Variants in NLRP2 observed in about 807,000 individuals in gnomAD.
The protein encoded by NLRP2 is NACHT, LRR and PYD domains-containing protein 2.
Under a neutral mutation model 97.2 loss-of-function variants are expected in NLRP2, and 107 were observed. The ratio of observed to expected loss-of-function variants is 1.10; its 90% CI spans 0.94 to 1.29. The LOEUF is 1.29. Among genes scored for constraint, NLRP2 ranks in the 50% most tolerant of loss-of-function variants. The pLI is 0.00. For missense variants in NLRP2, 1,495 were observed against 1,330.3 expected (o/e 1.12, Z -1.93); for synonymous variants, 663 against 551.5 (o/e 1.20, Z -2.83).
intron 3 of NLRP2, among the ~76,000 whole-genome samples, chr19:54,977,215 A>T (rs1264973698): frequency 1.3e-5 from 2 of 151,990 alleles, no homozygotes; most frequent in East Asian, 3.9e-4. Context: ...TGAGGTTGGG[A>T]GTTCGAGACC....
At chr19:54,969,919 G>A (rs904732196) in intron 1 of NLRP2, 80 bp from the exon 2 acceptor site, 30 of 1,401,896 alleles carry the variant, frequency 2.1e-5, no homozygotes, top group Middle Eastern at 2.4e-4. Flanking sequence ...GTCCTTGTTC[G>A]TGGCACAGCA....
chr19:54,969,505 A>C (rs2070708151), intron 1 of NLRP2, among the ~76,000 whole-genome samples: 2 of 151,108 alleles, frequency 1.3e-5, no homozygotes, highest in Admixed American at 1.3e-4. Context: ...AAATACAAAA[A>C]GTAGCTGAGC....
Position 54,997,240 on chromosome 19 carries a change from C to T in NLRP2, c.2880-77C>T, listed in dbSNP as rs73612055. 2,725 of 1,457,920 alleles carry T rather than the reference C, an allele frequency of 1.9e-3. 33 individuals are homozygous for T. The African/African-American group carries it at 0.032, about 17-fold the overall frequency. 90.3% of individuals were successfully genotyped at this position (1,457,920 alleles called of 1,614,324 possible). On this transcript the variant is annotated intron_variant, in intron 11 of 12. Transcript: ENST00000448584. ...GTTGGTCATGCAGATCCCCAACACA[C>T]GAGGGTGGGCTTGGCTTGCCGGAGG...
chr19:54,991,734 T>C (rs1350659731), intron 10 of NLRP2, among the ~76,000 whole-genome samples: 1 of 150,422 alleles, frequency 6.6e-6, no homozygotes, highest in Non-Finnish European at 1.5e-5. Flanking sequence ...CTAGGCGTGG[T>C]GGTATGGTCC....
intron 9 of NLRP2, 131 bp downstream of exon 9, chr19:54,990,323 G>T: frequency 1.7e-6 from 2 of 1,160,812 alleles, no homozygotes; most frequent in Non-Finnish European, 2.6e-6. Context: ...TTAGATCCAG[G>T]CCGATGGCCT....
intron 4 of NLRP2, among the ~76,000 whole-genome samples, chr19:54,981,216 G>A (rs760691659): frequency 5.9e-4 from 90 of 152,148 alleles, no homozygotes; most frequent in Non-Finnish European, 1.1e-3. Flanking sequence ...GTTGCCCAGG[G>A]TGGAGTGCAG....
intron 12 of NLRP2, among the ~76,000 whole-genome samples, chr19:54,998,504 G>A (rs1329376946): frequency 1.3e-5 from 2 of 151,298 alleles, no homozygotes; most frequent in Non-Finnish European, 2.9e-5. Flanking sequence ...TAAGTCAAAA[G>A]ACATATGGAC....
chr19:54,982,847 G>C lies in NLRP2; in HGVS notation c.1149G>C (p.Glu383Asp), dbSNP rs1356028066. The C allele has an allele frequency of 1.2e-6, 2 of 1,613,252 alleles. No individual in the cohort carries two copies. Among genetic ancestry groups the C allele is most frequent in the Admixed American group, 1.7e-5 (1 of 59,992 alleles). ...GDEDQAMRAF[E>D]LMRSNAALFQ... ...AGGACCAAGCCATGCGTGCCTTTGAGCTAATGAGGAGCAACGCGGCCCTGT... is the reference window on the plus strand; with the variant it reads ...AGGACCAAGCCATGCGTGCCTTTGACCTAATGAGGAGCAACGCGGCCCTGT... Residue 383 changes from glutamate to aspartate, a missense_variant, in exon 6 of 13, where the codon GAG (glutamate) becomes GAC (aspartate). Transcript: ENST00000448584.
chr19:54,977,719 C>A, intron 3 of NLRP2, 33 bp from the exon 4 acceptor site: 2 of 1,610,032 alleles, frequency 1.2e-6, no homozygotes, highest in East Asian at 2.2e-5. Flanking sequence ...GCCAGCACAG[C>A]AACAGGCCTG....
rs2072884241 is a variant in NLRP2, at chr19:54,997,321, T to C, written c.2884T>C (p.Trp962Arg). Residue 962 changes from tryptophan to arginine, a missense_variant, in exon 12 of 13, where the codon TGG becomes CGG. Transcript: ENST00000448584. ...PLCNLRCLWLWGCSIPPFSCE... is the reference protein window; with the variant it reads ...PLCNLRCLWLRGCSIPPFSCE... ...TTGATTTCTGTGTTTCCCCAGGTTG[T>C]GGGGATGTTCCATCCCTCCGTTCAG... is the stretch of plus-strand genomic sequence containing the variant. 16 of 1,613,352 alleles carry C rather than the reference T, an allele frequency of 9.9e-6. No homozygotes were observed. The highest frequency in any genetic ancestry group is 1.3e-5 in the Non-Finnish European group (15 of 1,179,920).
chr19:54,992,544 G>T (rs1417770298), intron 10 of NLRP2, among the ~76,000 whole-genome samples: 2 of 137,416 alleles, frequency 1.5e-5, no homozygotes, highest in Admixed American at 7.8e-5. Flanking sequence ...TTTTTGGGGG[G>T]GGGGGGGTTT....
intron 11 of NLRP2, among the ~76,000 whole-genome samples, chr19:54,994,736 G>C (rs970480899): frequency 2.6e-5 from 4 of 151,474 alleles, no homozygotes; most frequent in Admixed American, 6.6e-5. Context: ...TCAGCTTCCC[G>C]AGTAGCTGGG....
At position 55,000,426 on chromosome 19, in the gene NLRP2, G is replaced by A. The variant is rs1254503150; in HGVS notation, c.3051-334G>A. Among the ~76,000 whole-genome samples the A allele has an allele frequency of 5.4e-5, 8 of 149,056 alleles. No homozygotes were observed. The East Asian group carries it at 8.3e-4, about 15-fold the overall frequency. ...TGAGTAGCTGGGACTACAGGCGTCC[G>A]CCACCACGCCCGGCTAATTTTTTGT... On this transcript the variant is annotated intron_variant, in intron 12 of 12. Transcript: ENST00000448584.
chr19:54,971,423 T>A lies in NLRP2; in HGVS notation c.280+1128T>A, dbSNP rs567683925. Reference sequence around the variant, plus strand: ...CCGACTTCCACAATGGTTGAACTAGTTTACAGTCCCACCAACAGTGTGAAA... The same window carrying A: ...CCGACTTCCACAATGGTTGAACTAGATTACAGTCCCACCAACAGTGTGAAA... On this transcript the variant is annotated intron_variant, in intron 2 of 12. Coordinates refer to ENST00000448584, the MANE Select transcript of NLRP2 (RefSeq NM_017852.5). Among the ~76,000 whole-genome samples, 80 of 152,236 alleles carry A rather than the reference T, an allele frequency of 5.3e-4. 1 individual carries two copies. The highest frequency in any genetic ancestry group is 9.8e-4 in the Admixed American group (15 of 15,250).
At chr19:54,990,818 ATGATGGTAGG>A in intron 10 of NLRP2, 146 bp downstream of exon 10, 1 of 788,698 alleles carries the variant, frequency 1.3e-6, no homozygotes, top group Admixed American at 2.0e-5. Context: ...ACCTGGGTAG[ATGATGGTAGG>A]AAAAAAGTAT....
chr19:54,997,383 G>A lies in NLRP2; in HGVS notation c.2946G>A (p.Gln982=). 6.2e-7 allele frequency: 1 copy of A among 1,614,202 alleles called. No homozygotes were observed. Among genetic ancestry groups the A allele is most frequent in the Non-Finnish European group, 8.5e-7 (1 of 1,180,032 alleles). The change falls in exon 12 of 13, where the codon CAG becomes CAA. Residue 982 remains glutamine, a synonymous_variant. Transcript: ENST00000448584. ...TCTGCTCTGCCCTCAGCTGCAACCA[G>A]AGCCTCGTCACTCTGGACCTGGGTC... ...EDLCSALSCN[Q]SLVTLDLGQN...
At position 54,982,722 on chromosome 19, in the gene NLRP2, AG is replaced by A; in HGVS notation, c.1027del (p.Asp343ThrfsTer12). 1.2e-6 allele frequency: 2 copies of A among 1,614,026 alleles called. No individual in the cohort carries two copies. The highest frequency in any genetic ancestry group is 1.7e-6 in the Non-Finnish European group (2 of 1,179,974). Reference protein sequence around the residue: ...LLVTTRPRALRDLRILAEEPI... With the variant: ...LLVTTRPRALXDLRILAEEPI... ...GGTCACCACGCGGCCCAGGGCCCTG[AG>A]GGACCTCCGGATCCTGGCGGAGGAG... On this transcript the variant is annotated frameshift_variant, in exon 6 of 13. Transcript: ENST00000448584. LOFTEE classifies it high-confidence loss of function.
intron 4 of NLRP2, among the ~76,000 whole-genome samples, chr19:54,978,211 G>A (rs944226792): frequency 6.0e-5 from 9 of 150,506 alleles, no homozygotes; most frequent in African/African-American, 2.0e-4. Flanking sequence ...GGGATTATAG[G>A]CACCTGCCAC....
intron 1 of NLRP2, among the ~76,000 whole-genome samples, chr19:54,968,714 G>A (rs866650575): frequency 2.1e-4 from 8 of 38,638 alleles, no homozygotes; most frequent in Admixed American, 8.1e-4. Flanking sequence ...TTTTTTTTTT[G>A]AGACAGTTTC....
Sources: allele counts gnomAD v4.1 joint callset (sites outside exome capture counted in the v4.1 genomes callset), GRCh38; gene constraint gnomAD v4.1.1; transcripts MANE v1.5; gene names NCBI Gene and HGNC (gene_info 2026-07-23, HGNC 2026-07-21).